Variants in RABGAP1 observed in about 807,000 individuals in gnomAD.
The protein encoded by RABGAP1 is rab GTPase-activating protein 1.
RABGAP1 carries 23 observed loss-of-function variants against 137.6 expected under a neutral mutation model. That is an observed-to-expected ratio of 0.17 (90% CI 0.12 to 0.24). RABGAP1 has a LOEUF of 0.24. RABGAP1 is among the 10% of genes least tolerant of loss of function. The pLI, the probability that RABGAP1 is intolerant of heterozygous loss-of-function variation, is 1.00. For missense variants in RABGAP1, 906 were observed against 1,275.8 expected (o/e 0.71, Z 4.42); for synonymous variants, 451 against 450.7 (o/e 1.00, Z -0.01).
chr9:123,013,974 C>T (rs1284303546), intron 11 of RABGAP1, among the ~76,000 whole-genome samples: 1 of 152,176 alleles, frequency 6.6e-6, no homozygotes, highest in Non-Finnish European at 1.5e-5. Context: ...GTTAGTGGAA[C>T]TGTAAATTGG....
intron 10 of RABGAP1, among the ~76,000 whole-genome samples, 194 bp from the exon 11 acceptor site, chr9:123,010,160 T>C (rs566211816): frequency 6.6e-6 from 1 of 152,266 alleles, no homozygotes; most frequent in South Asian, 2.1e-4. Context: ...TCTAAACATA[T>C]GCTTTTCTGT....
chr9:122,976,550 A>T (rs1588200641), intron 2 of RABGAP1, among the ~76,000 whole-genome samples: 1 of 152,180 alleles, frequency 6.6e-6, no homozygotes, highest in African/African-American at 2.4e-5. Flanking sequence ...TCCTTTCTAT[A>T]ATTAAACCAA....
At chr9:122,990,785 AAAAAAAAAAAAATATATATAT>A (rs1355530583) in intron 6 of RABGAP1, 5 of 82,570 alleles carry the variant, frequency 6.1e-5, no homozygotes, top group Non-Finnish European at 1.1e-4. Context: ...AAAAAAAAAA[AAAAAAAAAAAAATATATATAT>A]ATATATATAT....
At chr9:123,073,704 G>C (rs771659964) in intron 16 of RABGAP1, 27 bp downstream of exon 16, 1 of 1,612,756 alleles carries the variant, frequency 6.2e-7, no homozygotes, top group Non-Finnish European at 8.5e-7. Flanking sequence ...GCTTGTGTTT[G>C]ACAAAAAGAG....
At chr9:123,088,670 A>G (rs928430745) in intron 19 of RABGAP1, among the ~76,000 whole-genome samples, 12 of 152,148 alleles carry the variant, frequency 7.9e-5, no homozygotes, top group African/African-American at 2.9e-4. Context: ...CTTGGGTGAT[A>G]GAGATCCTGT....
chr9:123,007,249 A>G (rs1318709439), intron 10 of RABGAP1, among the ~76,000 whole-genome samples: 1 of 150,502 alleles, frequency 6.6e-6, no homozygotes, highest in Admixed American at 6.6e-5. Context: ...AATTTTTTGT[A>G]TTTTTAGTAC....
intron 10 of RABGAP1, 24 bp downstream of exon 10, chr9:122,998,790 A>G (rs768470633): frequency 7.6e-6 from 11 of 1,449,572 alleles, no homozygotes; most frequent in African/African-American, 4.2e-5. Context: ...CTATTAATAT[A>G]GAAGGGGGAA....
chr9:123,034,521 G>T (rs1408430835), intron 13 of RABGAP1: 3 of 1,246,188 alleles, frequency 2.4e-6, no homozygotes, highest in Non-Finnish European at 3.4e-6. Flanking sequence ...ACTGTTGGCA[G>T]CAGCCAAGCG....
the RABGAP1 span, among the ~76,000 whole-genome samples, chr9:122,932,755 C>A: frequency 6.6e-6 from 1 of 152,094 alleles, no homozygotes; most frequent in Non-Finnish European, 1.5e-5. Flanking sequence ...TGGTGTCGAA[C>A]TCCCGACCTC....
At chr9:123,035,714 GGAAATCTGGGACA>G in intron 13 of RABGAP1, 1 of 760,378 alleles carries the variant, frequency 1.3e-6, no homozygotes, top group Non-Finnish European at 2.1e-6. Context: ...TAATTCACTA[GGAAATCTGGGACA>G]GAATACTTTG....
chr9:123,034,200 G>C (rs914830528), intron 13 of RABGAP1: 1 of 253,670 alleles, frequency 3.9e-6, no homozygotes, highest in East Asian at 8.2e-5. Context: ...TACAACTCCT[G>C]CTGAAGCTCC....
At chr9:122,974,458 G>C (rs1230023489) in intron 2 of RABGAP1, among the ~76,000 whole-genome samples, 1 of 73,874 alleles carries the variant, frequency 1.4e-5, no homozygotes, top group Non-Finnish European at 2.4e-5. Context: ...AATAATGTTT[G>C]CTTGATATAG....
At chr9:122,942,750 G>A (rs1301674263) in intron 1 of RABGAP1, among the ~76,000 whole-genome samples, 1 of 149,932 alleles carries the variant, frequency 6.7e-6, no homozygotes, top group East Asian at 1.9e-4. Context: ...AGTTCACTTT[G>A]TATTAATAAA....
intron 13 of RABGAP1, among the ~76,000 whole-genome samples, chr9:123,027,170 G>A (rs2032026249): frequency 6.8e-6 from 1 of 146,374 alleles, no homozygotes. Flanking sequence ...AGGCTGGAGT[G>A]CAGTGGCACG....
At chr9:122,978,935 G>T (rs190634489) in intron 2 of RABGAP1, among the ~76,000 whole-genome samples, 1 of 151,888 alleles carries the variant, frequency 6.6e-6, no homozygotes, top group East Asian at 1.9e-4. Context: ...ACAGGGTCTT[G>T]CTGTGTTGCC....
At chr9:123,099,618 T>TG in intron 24 of RABGAP1, 69 bp downstream of exon 24, 1 of 1,348,408 alleles carries the variant, frequency 7.4e-7, no homozygotes, top group East Asian at 2.3e-5. Context: ...AAACAGGTTT[T>TG]GGGAGGAGGC....
intron 1 of RABGAP1, among the ~76,000 whole-genome samples, chr9:122,944,005 A>C (rs886951759): frequency 2.0e-5 from 3 of 152,210 alleles, no homozygotes; most frequent in Non-Finnish European, 4.4e-5. Flanking sequence ...GCTAAAGGAA[A>C]GCCTCCTTTG....
chr9:122,952,872 AT>A (rs887292728), intron 1 of RABGAP1, among the ~76,000 whole-genome samples: 2 of 152,240 alleles, frequency 1.3e-5, no homozygotes, highest in African/African-American at 2.4e-5. Flanking sequence ...ATACCAGGCT[AT>A]TCATATGTAT....
chr9:122,941,456 T>C (rs1232806245), intron 1 of RABGAP1, among the ~76,000 whole-genome samples: 1 of 152,244 alleles, frequency 6.6e-6, no homozygotes, highest in Non-Finnish European at 1.5e-5. Context: ...TGCTTGGTCC[T>C]ATTTGGGAAT....
Sources: gnomAD v4.1 joint callset for allele counts (sites outside exome capture counted in the v4.1 genomes callset) on GRCh38, gnomAD v4.1.1 for gene constraint, MANE v1.5 for transcripts, NCBI Gene and HGNC (gene_info 2026-07-23, HGNC 2026-07-21) for gene names.